The following HHIP variants were observed in gnomAD, a reference collection of about 807,000 sequenced individuals.
HHIP encodes hedgehog interacting protein, also known as hedgehog-interacting protein.
A neutral mutation model predicts 74.0 loss-of-function variants in HHIP; 12 were observed. The ratio of observed to expected loss-of-function variants is 0.16; its 90% CI spans 0.10 to 0.26. The LOEUF (loss-of-function observed/expected upper bound fraction) is 0.26, where lower values mean the gene tolerates loss of function less well. HHIP is among the 10% of genes least tolerant of loss of function. HHIP has a pLI of 1.00. For synonymous variants in HHIP, 309 were observed against 311.6 expected, an observed-to-expected ratio of 0.99 and a Z score of 0.09; for missense variants, 788 against 845.0, an observed-to-expected ratio of 0.93 and a Z score of 0.84.
At chr4:144,705,567 C>T (rs541961251) in intron 4 of HHIP, among the ~76,000 whole-genome samples, 1 of 152,190 alleles carries the variant, frequency 6.6e-6, no homozygotes, top group Non-Finnish European at 1.5e-5. Context: ...AGGCTCTGAT[C>T]TAGATAATTT....
At chr4:144,699,274 G>A (rs563893329) in intron 4 of HHIP, among the ~76,000 whole-genome samples, 1 of 152,214 alleles carries the variant, frequency 6.6e-6, no homozygotes, top group African/African-American at 2.4e-5. Flanking sequence ...ACACAGGAAA[G>A]CACTTTTATT....
Position 144,647,000 on chromosome 4 carries a change from G to A in HHIP, c.279+46G>A, listed in dbSNP as rs201035477. On this transcript the variant is annotated intron_variant, in intron 1 of 12. Transcript: ENST00000296575. ...CGGATGCGTACTTGGCATATTGGCT[G>A]GGTGGGGTTCCCTGTGGCTCTGGCA... 1.5e-5 allele frequency: 23 copies of A among 1,522,796 alleles called. No homozygotes were observed. In the African/African-American group the frequency reaches 2.8e-4, roughly 18 times the overall value. 94.3% of individuals were successfully genotyped at this position (1,522,796 alleles called of 1,614,324 possible).
chr4:144,711,876 A>G, intron 7 of HHIP, 74 bp from the exon 8 acceptor site: 1 of 1,462,282 alleles, frequency 6.8e-7, no homozygotes, highest in Non-Finnish European at 9.3e-7. Context: ...GCTCCTTCCT[A>G]TGTCAGGAAT....
chr4:144,653,970 C>T lies in HHIP; in HGVS notation c.472+1173C>T, dbSNP rs199923678. Reference sequence around the variant, plus strand: ...CCCCAAAGCAAAGTAGAATAGGTCACGGTTGCCTAGATGGCCTACAAAGAA... The same window carrying T: ...CCCCAAAGCAAAGTAGAATAGGTCATGGTTGCCTAGATGGCCTACAAAGAA... On this transcript the variant is annotated intron_variant, in intron 2 of 12. Transcript: ENST00000296575. Among the ~76,000 whole-genome samples the T allele has an allele frequency of 1.6e-4, 24 of 152,156 alleles. No individual in the cohort carries two copies. The East Asian group carries it at 4.3e-3, about 27-fold the overall frequency.
chr4:144,727,629 C>T (rs1030150387), intron 11 of HHIP, among the ~76,000 whole-genome samples: 3 of 152,150 alleles, frequency 2.0e-5, no homozygotes, highest in African/African-American at 7.2e-5. Flanking sequence ...TATCTAAAAG[C>T]ACATGACATT....
intron 11 of HHIP, among the ~76,000 whole-genome samples, chr4:144,734,446 C>T (rs892332814): frequency 1.3e-5 from 2 of 151,672 alleles, no homozygotes; most frequent in East Asian, 3.9e-4. Context: ...TTCTTACTTA[C>T]CAAATGTGAA....
intron 1 of HHIP, 194 bp downstream of exon 1, chr4:144,647,148 A>C (rs1045439142): frequency 1.3e-5 from 7 of 529,746 alleles, no homozygotes; most frequent in African/African-American, 9.5e-5. Context: ...TTCCTCCCCC[A>C]GAGTCCGCGG....
intron 12 of HHIP, among the ~76,000 whole-genome samples, chr4:144,735,373 A>G (rs1731086068): frequency 6.6e-6 from 1 of 152,194 alleles, no homozygotes; most frequent in Non-Finnish European, 1.5e-5. Flanking sequence ...GGAAAATGCA[A>G]TTATCTAGAG....
At chr4:144,699,161 A>G (rs1471709391) in intron 4 of HHIP, among the ~76,000 whole-genome samples, 1 of 152,170 alleles carries the variant, frequency 6.6e-6, no homozygotes, top group Non-Finnish European at 1.5e-5. Flanking sequence ...ACCAACCACA[A>G]ATGGGATGCC....
intron 9 of HHIP, among the ~76,000 whole-genome samples, chr4:144,714,774 T>C (rs1185284842): frequency 6.6e-6 from 1 of 152,192 alleles, no homozygotes; most frequent in East Asian, 1.9e-4. Flanking sequence ...TAATATAATT[T>C]GTCTCTATAA....
chr4:144,727,293 C>T (rs1257619301), intron 11 of HHIP, among the ~76,000 whole-genome samples: 2 of 151,938 alleles, frequency 1.3e-5, no homozygotes, highest in Admixed American at 6.6e-5. Flanking sequence ...GCAATAATCG[C>T]ATCATGGGGG....
At chr4:144,686,850 T>C (rs1292279476) in intron 4 of HHIP, among the ~76,000 whole-genome samples, 1 of 151,888 alleles carries the variant, frequency 6.6e-6, no homozygotes, top group African/African-American at 2.4e-5. Context: ...GGTAGAACCC[T>C]AGTCTGGGTG....
intron 4 of HHIP, among the ~76,000 whole-genome samples, chr4:144,661,895 TAA>T (rs947528998): frequency 2.6e-5 from 4 of 152,198 alleles, no homozygotes; most frequent in Non-Finnish European, 5.9e-5. Flanking sequence ...TTTAAAATCC[TAA>T]GAGAGGGCAT....
chr4:144,715,614 C>A, intron 10 of HHIP, 184 bp downstream of exon 10: 1 of 405,038 alleles, frequency 2.5e-6, no homozygotes, highest in East Asian at 3.9e-5. Flanking sequence ...AGTAACTTTT[C>A]CCTGAGAGCC....
chr4:144,659,027 T>C (rs1728628914), intron 3 of HHIP, 81 bp downstream of exon 3: 2 of 1,157,654 alleles, frequency 1.7e-6, no homozygotes, highest in Non-Finnish European at 2.5e-6. Context: ...GAATCAACTG[T>C]CTGTGCTTAT....
intron 4 of HHIP, among the ~76,000 whole-genome samples, chr4:144,686,684 A>C (rs2126628815): frequency 6.6e-6 from 1 of 152,344 alleles, no homozygotes; most frequent in African/African-American, 2.4e-5. Flanking sequence ...TTTAAGTTAA[A>C]GACTTAATTC....
intron 11 of HHIP, among the ~76,000 whole-genome samples, chr4:144,725,268 T>C (rs1730764154): frequency 6.6e-6 from 1 of 152,220 alleles, no homozygotes; most frequent in Admixed American, 6.5e-5. Context: ...ATTTTGTTAC[T>C]AATTCATTTT....
intron 2 of HHIP, among the ~76,000 whole-genome samples, chr4:144,657,496 A>G (rs887028925): frequency 2.0e-5 from 3 of 152,208 alleles, no homozygotes; most frequent in African/African-American, 4.8e-5. Flanking sequence ...AGGACCATAT[A>G]TAAGACTGAC....
At chr4:144,737,360 C>T (rs528006056) in intron 12 of HHIP, among the ~76,000 whole-genome samples, 1 of 152,190 alleles carries the variant, frequency 6.6e-6, no homozygotes, top group Non-Finnish European at 1.5e-5. Flanking sequence ...TGTGTCTCCC[C>T]CTCAGGCTGG....
Sources: allele counts gnomAD v4.1 joint callset (sites outside exome capture counted in the v4.1 genomes callset), GRCh38; gene constraint gnomAD v4.1.1; transcripts MANE v1.5; gene names NCBI Gene and HGNC (gene_info 2026-07-23, HGNC 2026-07-21).